The following LRRC69 variants were observed in gnomAD, a reference collection of about 807,000 sequenced individuals.
LRRC69 encodes leucine-rich repeat-containing protein 69.
LRRC69 carries 42 observed loss-of-function variants against 37.8 expected under a neutral mutation model. The observed-to-expected ratio is 1.11, with a 90% CI of 0.87 to 1.44. The LOEUF is 1.44. Among genes scored for constraint, LRRC69 ranks in the 40% most tolerant of loss-of-function variants. The pLI, the probability that LRRC69 is intolerant of heterozygous loss-of-function variation, is 0.00. For missense variants in LRRC69, 357 were observed against 401.9 expected, an observed-to-expected ratio of 0.89 and a Z score of 0.96; for synonymous variants, 141 against 143.1, an observed-to-expected ratio of 0.99 and a Z score of 0.11.
intron 7 of LRRC69, among the ~76,000 whole-genome samples, chr8:91,212,246 C>T (rs923250576): frequency 5.9e-5 from 9 of 152,088 alleles, no homozygotes; most frequent in African/African-American, 2.2e-4. Context: ...CCTAAATAGT[C>T]TCATAAAATT....
chr8:91,201,724 A>G (rs926428631), intron 7 of LRRC69, among the ~76,000 whole-genome samples: 2 of 152,172 alleles, frequency 1.3e-5, no homozygotes, highest in Non-Finnish European at 2.9e-5. Flanking sequence ...ATTGGGGGAT[A>G]ATTTTAAATA....
At chr8:91,186,268 G>A (rs1809406200) in intron 5 of LRRC69, among the ~76,000 whole-genome samples, 1 of 152,210 alleles carries the variant, frequency 6.6e-6, no homozygotes, top group South Asian at 2.1e-4. Flanking sequence ...CCTGATAGAT[G>A]AAGATAGACT....
rs535590780 is a variant in LRRC69, at chr8:91,185,759, C to T, written c.652-3763C>T. 3.2e-4 allele frequency among the ~76,000 whole-genome samples: 48 copies of T among 151,244 alleles called. No homozygotes were observed. In the South Asian group the frequency reaches 9.5e-3, roughly 30 times the overall value. ...CTTAGCCCCCACACTTGAATCTTTTCCCCCCTCCTTGAAACTTGACCTTAA... is the reference window on the plus strand; with the variant it reads ...CTTAGCCCCCACACTTGAATCTTTTTCCCCCTCCTTGAAACTTGACCTTAA... On this transcript the variant is annotated intron_variant, in intron 5 of 7. Transcript: ENST00000448384.
chr8:91,146,362 T>A (rs778677410), intron 5 of LRRC69, among the ~76,000 whole-genome samples: 20 of 151,858 alleles, frequency 1.3e-4, no homozygotes, highest in Non-Finnish European at 2.5e-4. Context: ...AGCTGGAACT[T>A]CTGTGTTTTT....
At position 91,102,723 on chromosome 8, in the gene LRRC69, T is replaced by C. The variant is rs1326375602; in HGVS notation, c.62T>C (p.Leu21Ser). ...GGTAAAAATACGAAGATCATTACTT[T>C]GAATGGGAAGAAGATGACAAAGATG... The change falls in exon 1 of 8, where the codon TTG becomes TCG. Residue 21 changes from leucine (L) to serine (S), a missense_variant. Transcript: ENST00000448384. 8.9e-5 allele frequency: 138 copies of C among 1,551,610 alleles called. No homozygotes were observed. The highest frequency in any genetic ancestry group is 1.2e-4 in the Non-Finnish European group (133 of 1,146,938).
intron 5 of LRRC69, among the ~76,000 whole-genome samples, chr8:91,147,017 TACCAAGTTGATTTAAGGGATTG>T (rs1808632482): frequency 6.6e-6 from 1 of 151,476 alleles, no homozygotes. Flanking sequence ...TTTACATTCC[TACCAAGTTGATTTAAGGGATTG>T]ACTATTTCTT....
intron 5 of LRRC69, among the ~76,000 whole-genome samples, chr8:91,149,591 C>A (rs1274649912): frequency 6.6e-6 from 1 of 151,796 alleles, no homozygotes; most frequent in Admixed American, 6.6e-5. Context: ...TCCATATGAA[C>A]TTTAAAGTAG....
In LRRC69 at chr8:91,151,469, G is replaced by A. The variant is rs184539292; in HGVS notation, c.651+15730G>A. On this transcript the variant is annotated intron_variant, in intron 5 of 7. Coordinates refer to ENST00000448384, the Ensembl canonical transcript of LRRC69. ...TGAGGGACAGTTTGTTATAATTTCT[G>A]TTCTTTTACATTTGCTGAGGAGTGC... Among the ~76,000 whole-genome samples, 690 of 151,586 alleles carry A rather than the reference G, an allele frequency of 4.6e-3. 6 individuals are homozygous for A. Among genetic ancestry groups the A allele is most frequent in the African/African-American group, 0.016 (668 of 41,400 alleles).
chr8:91,202,269 T>C (rs1458935068), intron 7 of LRRC69, among the ~76,000 whole-genome samples: 1 of 151,860 alleles, frequency 6.6e-6, no homozygotes, highest in African/African-American at 2.4e-5. Flanking sequence ...ACAAGAGAAA[T>C]GTATTGTCTC....
intron 5 of LRRC69, among the ~76,000 whole-genome samples, chr8:91,164,926 A>G (rs35716133): frequency 0.052 from 7,936 of 151,756 alleles, 297 homozygotes; most frequent in Middle Eastern, 0.16. Context: ...GGAAGACTTG[A>G]CTGAGTTGAA....
In LRRC69 at chr8:91,176,131, TATA is replaced by T. The variant is rs760168411; in HGVS notation, c.652-13390_652-13388del. 8.5e-4 allele frequency among the ~76,000 whole-genome samples: 63 copies of T among 74,422 alleles called. 1 individual carries two copies. The highest frequency in any genetic ancestry group is 3.0e-3 in the African/African-American group (57 of 19,158). The allele number at this position is 74,422 out of a possible 152,430, so 48.8% of individuals were successfully genotyped here. ...ACCATCCCTCATATATATATATATA[TATA>T]TTTTTTTTTTTTCTTTTTTTTGAGA... is the stretch of plus-strand genomic sequence containing the variant. On this transcript the variant is annotated intron_variant, in intron 5 of 7. Transcript: ENST00000448384.
chr8:91,158,710 C>G (rs1808883275), intron 5 of LRRC69: 1 of 1,113,008 alleles, frequency 9.0e-7, no homozygotes, highest in Non-Finnish European at 1.4e-6. Flanking sequence ...GGAATGGAAA[C>G]CACTTACATT....
At position 91,197,802 on chromosome 8, in the gene LRRC69, T is replaced by A. The variant is rs576455151; in HGVS notation, c.754-2811T>A. On this transcript the variant is annotated intron_variant, in intron 6 of 7. Coordinates refer to ENST00000448384, the Ensembl canonical transcript of LRRC69. ...GATGGAAATGCAGAAATCACCCGTC[T>A]TCTGTGTCGCTCACGGTGGGAGCTG... 3.9e-4 allele frequency among the ~76,000 whole-genome samples: 59 copies of A among 152,070 alleles called. 1 individual carries two copies. The South Asian group carries it at 0.012, about 31-fold the overall frequency.
chr8:91,131,413 A>G (rs915424580), intron 3 of LRRC69, among the ~76,000 whole-genome samples: 6 of 151,894 alleles, frequency 4.0e-5, no homozygotes, highest in African/African-American at 1.4e-4. Flanking sequence ...CAAAATTTGT[A>G]TTTGAATCTA....
chr8:91,158,018 G>A (rs1207779863), intron 5 of LRRC69: 1 of 1,332,072 alleles, frequency 7.5e-7, no homozygotes, highest in South Asian at 1.2e-5. Flanking sequence ...TCATGCAGAT[G>A]TTGGAGACAA....
chr8:91,165,685 G>C (rs1299318102), intron 5 of LRRC69, among the ~76,000 whole-genome samples: 1 of 151,532 alleles, frequency 6.6e-6, no homozygotes, highest in Non-Finnish European at 1.5e-5. Context: ...CAGTTAATGG[G>C]TTTTCTGTTT....
intron 6 of LRRC69, among the ~76,000 whole-genome samples, chr8:91,196,967 G>A (rs1478251614): frequency 1.3e-5 from 2 of 151,792 alleles, no homozygotes; most frequent in Non-Finnish European, 2.9e-5. Flanking sequence ...CCCCATCTTT[G>A]TGGTTTTATC....
At chr8:91,186,776 G>A (rs1389744974) in intron 5 of LRRC69, among the ~76,000 whole-genome samples, 1 of 152,126 alleles carries the variant, frequency 6.6e-6, no homozygotes, top group Non-Finnish European at 1.5e-5. Context: ...TAGTGGGTGT[G>A]GCCAGGAGTA....
chr8:91,200,694 GTCAGGAGCATGATC>G lies in LRRC69; in HGVS notation c.838_851del (p.Arg280SerfsTer54). The G allele has an allele frequency of 6.5e-7, 1 of 1,531,290 alleles. No individual in the cohort carries two copies. The allele number at this position is 1,531,290 out of a possible 1,614,324, so 94.9% of individuals were successfully genotyped here. ...GGATGACATAGAACGGTACCCACAA[GTCAGGAGCATGATC>G]TCTCAGGGAAAAACATGTGCAATAT... On this transcript the variant is annotated frameshift_variant, in exon 7 of 8. Coordinates refer to ENST00000448384, the Ensembl canonical transcript of LRRC69. LOFTEE classifies it high-confidence loss of function.
Sources: allele counts gnomAD v4.1 joint callset (sites outside exome capture counted in the v4.1 genomes callset), GRCh38; gene constraint gnomAD v4.1.1; transcripts MANE v1.5; gene names NCBI Gene and HGNC (gene_info 2026-07-23, HGNC 2026-07-21).